Variants in GABRA5 observed in about 807,000 individuals in gnomAD.
GABRA5 encodes the protein gamma-aminobutyric acid type A receptor subunit alpha5.
GABRA5 carries 18 observed loss-of-function variants against 47.3 expected under a neutral mutation model. The observed-to-expected ratio is 0.38, with a 90% CI of 0.26 to 0.56. The LOEUF is 0.56. Ranked by LOEUF, GABRA5 falls within the 20% of genes least tolerant of loss-of-function variation. The probability of loss-of-function intolerance (pLI) is 0.71; values close to 1 mark genes in which losing one functional copy is unlikely to be tolerated. For synonymous variants in GABRA5, 237 were observed against 229.3 expected, an observed-to-expected ratio of 1.03 and a Z score of -0.30; for missense variants, 365 against 599.3, an observed-to-expected ratio of 0.61 and a Z score of 4.08.
intron 6 of GABRA5, among the ~76,000 whole-genome samples, chr15:26,911,370 T>G (rs6606907): frequency 3.4e-5 from 2 of 57,984 alleles, no homozygotes; most frequent in African/African-American, 1.2e-4. Context: ...CCTTGCTGCA[T>G]GCACACACAC....
At chr15:26,892,281 C>T (rs962659985) in intron 6 of GABRA5, among the ~76,000 whole-genome samples, 1 of 152,254 alleles carries the variant, frequency 6.6e-6, no homozygotes, top group African/African-American at 2.4e-5. Context: ...GCCACATTCC[C>T]AGCAGTGGGT....
chr15:26,935,367 A>G (rs1181906557), intron 7 of GABRA5, among the ~76,000 whole-genome samples: 1 of 152,238 alleles, frequency 6.6e-6, no homozygotes, highest in Admixed American at 6.5e-5. Context: ...TCATCCTTAC[A>G]ATGATTATTT....
At chr15:26,932,058 G>A (rs946347355) in intron 7 of GABRA5, among the ~76,000 whole-genome samples, 2 of 152,118 alleles carry the variant, frequency 1.3e-5, no homozygotes, top group South Asian at 2.1e-4. Context: ...TATAGGCATG[G>A]GCAAAGATTT....
At chr15:26,880,722 C>A in intron 3 of GABRA5, 124 bp from the exon 4 acceptor site, 2 of 915,726 alleles carry the variant, frequency 2.2e-6, no homozygotes, top group Admixed American at 2.5e-5. Context: ...ACTATGGGAG[C>A]TGTGTTCTCA....
intron 6 of GABRA5, among the ~76,000 whole-genome samples, chr15:26,888,868 G>C (rs1203126728): frequency 6.6e-6 from 1 of 152,152 alleles, no homozygotes; most frequent in African/African-American, 2.4e-5. Flanking sequence ...AAGTCCCCCC[G>C]GTAGGCTCTT....
In GABRA5 at chr15:26,938,834, C is replaced by T. The variant is rs12439279; in HGVS notation, c.725-1091C>T. 0.021 allele frequency among the ~76,000 whole-genome samples: 3,201 copies of T among 152,296 alleles called. 253 individuals are homozygous for T. In the East Asian group the frequency reaches 0.28, roughly 13 times the overall value. On this transcript the variant is annotated intron_variant, in intron 8 of 10. Coordinates refer to ENST00000335625, the MANE Select transcript of GABRA5 (RefSeq NM_000810.4). ...GTGATTGCTATGGTTCCTTCGTCTC[C>T]GACATATGCCATGTTTTGAGTTGGC...
chr15:26,909,815 A>G (rs1394510675), intron 6 of GABRA5, among the ~76,000 whole-genome samples: 1 of 152,214 alleles, frequency 6.6e-6, no homozygotes, highest in Non-Finnish European at 1.5e-5. Context: ...GTGAGGTAGC[A>G]TACTCACAGG....
intron 6 of GABRA5, among the ~76,000 whole-genome samples, chr15:26,897,264 T>G (rs1377620678): frequency 6.6e-6 from 1 of 152,158 alleles, no homozygotes; most frequent in African/African-American, 2.4e-5. Context: ...TAAATGAATT[T>G]GAGGTCATTA....
chr15:26,898,562 G>A (rs1019368025), intron 6 of GABRA5, among the ~76,000 whole-genome samples: 6 of 152,206 alleles, frequency 3.9e-5, no homozygotes, highest in African/African-American at 1.4e-4. Flanking sequence ...AACATCTGTA[G>A]GATGGAAGAC....
In GABRA5 at chr15:26,867,140, C is replaced by T; in HGVS notation, c.-140+29C>T. On this transcript the variant is annotated intron_variant, in intron 1 of 10. Transcript: ENST00000335625. This position sits in a 1 kb window ranked among gnomAD's most constrained non-coding sequence, Gnocchi z 5.9. ...AGAGCGGGCGCGAGTGCGCCGGGGG[C>T]GCTGGGGGGCTCTGCGGCGGGCGGC... The T allele has an allele frequency of 6.6e-6, 1 of 150,576 alleles. No individual in the cohort carries two copies. The highest frequency in any genetic ancestry group is 1.5e-5 in the Non-Finnish European group (1 of 67,444). 9.3% of individuals were successfully genotyped at this position (150,576 alleles called of 1,614,324 possible).
At chr15:26,919,084 G>A (rs1056716138) in intron 7 of GABRA5, among the ~76,000 whole-genome samples, 3 of 152,112 alleles carry the variant, frequency 2.0e-5, no homozygotes, top group Non-Finnish European at 4.4e-5. Context: ...CAGAGGCTGA[G>A]GTGAGCCATA....
chr15:26,892,147 G>A (rs1045029092), intron 6 of GABRA5, among the ~76,000 whole-genome samples: 1 of 152,248 alleles, frequency 6.6e-6, no homozygotes, highest in Non-Finnish European at 1.5e-5. Context: ...CGGTTGGCCC[G>A]GAATCCGGAG....
chr15:26,891,900 A>C (rs137906992), intron 6 of GABRA5, among the ~76,000 whole-genome samples: 129,611 of 152,244 alleles, frequency 0.85, 55,570 homozygotes, highest in Non-Finnish European at 0.9. Flanking sequence ...GTGGTCCCTT[A>C]AGCAGGCCGA....
intron 10 of GABRA5, among the ~76,000 whole-genome samples, chr15:26,945,235 G>T (rs1894483324): frequency 6.6e-6 from 1 of 152,206 alleles, no homozygotes; most frequent in Non-Finnish European, 1.5e-5. Flanking sequence ...GCATCTGCAG[G>T]CATGCAGGCC....
At chr15:26,933,035 A>C (rs767566432) in intron 7 of GABRA5, among the ~76,000 whole-genome samples, 2 of 152,050 alleles carry the variant, frequency 1.3e-5, no homozygotes, top group Non-Finnish European at 2.9e-5. Flanking sequence ...GATGCAGCAA[A>C]CCACCATGGC....
At chr15:26,945,021 C>G (rs917989754) in intron 10 of GABRA5, among the ~76,000 whole-genome samples, 1 of 152,198 alleles carries the variant, frequency 6.6e-6, no homozygotes, top group Non-Finnish European at 1.5e-5. Context: ...CACCATAGAT[C>G]TGAATTCTGA....
chr15:26,886,277 C>A (rs1054452651), intron 6 of GABRA5, among the ~76,000 whole-genome samples: 11 of 152,162 alleles, frequency 7.2e-5, no homozygotes, highest in Non-Finnish European at 1.5e-4. Flanking sequence ...GCCTCGGCCT[C>A]CCAAAGTGCT....
chr15:26,900,841 C>G (rs1029507276), intron 6 of GABRA5, among the ~76,000 whole-genome samples: 7 of 152,130 alleles, frequency 4.6e-5, no homozygotes, highest in Non-Finnish European at 7.4e-5. Context: ...TAAAAATCCT[C>G]TGTGCTCTGC....
chr15:26,943,180 T>G (rs1894425615), intron 9 of GABRA5, 35 bp from the exon 10 acceptor site: 1 of 1,516,862 alleles, frequency 6.6e-7, no homozygotes. Context: ...GACCCCTGTT[T>G]CCGTTTTTCA....
Sources: gnomAD v4.1 joint callset for allele counts (sites outside exome capture counted in the v4.1 genomes callset) on GRCh38, gnomAD v4.1.1 for gene constraint, Gnocchi (gnomAD v3.1) non-coding constraint, MANE v1.5 for transcripts, NCBI Gene and HGNC (gene_info 2026-07-23, HGNC 2026-07-21) for gene names.